The following DAP variants were observed in gnomAD, a reference collection of about 807,000 sequenced individuals.
DAP encodes the protein death-associated protein 1.
Under a neutral mutation model 13.8 loss-of-function variants are expected in DAP, and 8 were observed. The ratio of observed to expected loss-of-function variants is 0.58; its 90% confidence interval spans 0.34 to 1.05. The LOEUF is 1.05. Ranked by LOEUF, DAP falls within the 50% of genes least tolerant of loss-of-function variation. The pLI, the probability that DAP is intolerant of heterozygous loss-of-function variation, is 0.03. For synonymous variants in DAP, 47 were observed against 47.5 expected (o/e 0.99, Z 0.04); for missense variants, 106 against 133.2 (o/e 0.80, Z 1.01).
intron 2 of DAP, among the ~76,000 whole-genome samples, chr5:10,702,153 TTTG>T (rs1489044065): frequency 1.1e-4 from 17 of 152,178 alleles, no homozygotes; most frequent in Admixed American, 1.3e-4. Context: ...CATGGTGGAA[TTTG>T]TTGTGTGCCC....
chr5:10,757,510 G>A (rs1434135861), intron 1 of DAP, among the ~76,000 whole-genome samples: 1 of 152,152 alleles, frequency 6.6e-6, no homozygotes, highest in Admixed American at 6.5e-5. Context: ...CTGAGCTCAG[G>A]TGCTCTCCCC....
intron 2 of DAP, among the ~76,000 whole-genome samples, chr5:10,702,895 C>T (rs1561013109): frequency 6.6e-6 from 1 of 152,134 alleles, no homozygotes; most frequent in African/African-American, 2.4e-5. Context: ...CCAAAAAAAC[C>T]CTTGCAAAAG....
chr5:10,749,410 T>C (rs575351635), intron 1 of DAP, among the ~76,000 whole-genome samples: 2 of 152,302 alleles, frequency 1.3e-5, no homozygotes, highest in East Asian at 3.9e-4. Context: ...CTCCACACTA[T>C]TTCACATTCC....
chr5:10,748,230 T>G lies in DAP; in HGVS notation c.97A>C (p.Thr33Pro). The G allele has an allele frequency of 1.9e-6, 3 of 1,614,084 alleles. No individual in the cohort carries two copies. The highest frequency in any genetic ancestry group is 2.5e-6 in the Non-Finnish European group (3 of 1,179,962). Residue 33 changes from threonine to proline, a missense_variant, in exon 2 of 4, where the codon ACA becomes CCA. Coordinates refer to ENST00000230895, the MANE Select transcript of DAP (RefSeq NM_004394.3). ...TCTTTCTCTTCTTTGGTGTCTCCTGTATGTGGGTGTTTCTGCACAATTCGC... is the reference window on the plus strand; with the variant it reads ...TCTTTCTCTTCTTTGGTGTCTCCTGGATGTGGGTGTTTCTGCACAATTCGC... ...GMRIVQKHPH[T>P]GDTKEEKDKD...
intron 2 of DAP, among the ~76,000 whole-genome samples, chr5:10,717,309 T>A (rs1039164111): frequency 6.6e-6 from 1 of 152,208 alleles, no homozygotes; most frequent in Non-Finnish European, 1.5e-5. Context: ...CAAGCCCTTA[T>A]GATGTGAGTG....
At chr5:10,682,913 G>A (rs1738060069) in intron 3 of DAP, among the ~76,000 whole-genome samples, 1 of 152,220 alleles carries the variant, frequency 6.6e-6, no homozygotes, top group East Asian at 1.9e-4. Flanking sequence ...CCACAGCTGT[G>A]AGCCAGGCCT....
chr5:10,753,911 T>C (rs1441339519), intron 1 of DAP, among the ~76,000 whole-genome samples: 1 of 152,166 alleles, frequency 6.6e-6, no homozygotes, highest in African/African-American at 2.4e-5. Context: ...ACTGTTCCAG[T>C]GGAAGGAACA....
chr5:10,698,325 G>A (rs962226942), intron 2 of DAP, among the ~76,000 whole-genome samples: 19 of 135,160 alleles, frequency 1.4e-4, no homozygotes, highest in Admixed American at 7.4e-4. Flanking sequence ...AGGTCAAGTA[G>A]ACAGAAAACT....
At chr5:10,742,227 C>G (rs1215389139) in intron 2 of DAP, among the ~76,000 whole-genome samples, 1 of 152,068 alleles carries the variant, frequency 6.6e-6, no homozygotes, top group African/African-American at 2.4e-5. Context: ...TTTATTTTAC[C>G]GTATGGGTTA....
chr5:10,757,508 A>G (rs1392377868), intron 1 of DAP, among the ~76,000 whole-genome samples: 1 of 152,172 alleles, frequency 6.6e-6, no homozygotes, highest in African/African-American at 2.4e-5. Context: ...TCCTGAGCTC[A>G]GGTGCTCTCC....
At chr5:10,710,910 T>C (rs905039089) in intron 2 of DAP, among the ~76,000 whole-genome samples, 1 of 152,040 alleles carries the variant, frequency 6.6e-6, no homozygotes, top group Non-Finnish European at 1.5e-5. Context: ...GGGGAAGTGG[T>C]GAGGGCTGAG....
intron 2 of DAP, among the ~76,000 whole-genome samples, chr5:10,730,710 G>A (rs1739433494): frequency 8.3e-6 from 1 of 120,102 alleles, no homozygotes; most frequent in Non-Finnish European, 1.7e-5. Context: ...GAGCCCTAGT[G>A]AGGGGGAATC....
Position 10,680,799 on chromosome 5 carries a change from G to T in DAP, c.*257C>A, listed in dbSNP as rs1269631785. ...AAAGCTAAAATTTTTCTCGGATCTT[G>T]GCAAATTCTGCTAATGGCACCTCTA... On this transcript the variant is annotated 3_prime_UTR_variant, in exon 4 of 4. Coordinates refer to ENST00000230895, the MANE Select transcript of DAP (RefSeq NM_004394.3). 1 of 1,536,754 alleles carries T rather than the reference G, an allele frequency of 6.5e-7. No individual in the cohort carries two copies. Among genetic ancestry groups the T allele is most frequent in the Non-Finnish European group, 8.7e-7 (1 of 1,147,030 alleles).
chr5:10,751,153 C>A (rs1740036518), intron 1 of DAP, among the ~76,000 whole-genome samples: 1 of 152,180 alleles, frequency 6.6e-6, no homozygotes, highest in African/African-American at 2.4e-5. Context: ...CTACTCCCTG[C>A]CTCCTGTGGG....
chr5:10,699,489 G>T (rs749283391), intron 2 of DAP, among the ~76,000 whole-genome samples: 3 of 152,232 alleles, frequency 2.0e-5, no homozygotes, highest in Non-Finnish European at 4.4e-5. Context: ...ACACCTGTGA[G>T]GTTTACCAGA....
intron 2 of DAP, among the ~76,000 whole-genome samples, chr5:10,708,009 G>A (rs775751221): frequency 6.6e-5 from 10 of 152,260 alleles, no homozygotes; most frequent in Non-Finnish European, 1.3e-4. Context: ...TAAGTACAAA[G>A]GAATTTCACG....
chr5:10,724,240 T>C (rs775089302), intron 2 of DAP, among the ~76,000 whole-genome samples: 77 of 152,346 alleles, frequency 5.1e-4, no homozygotes, highest in South Asian at 1.0e-3. Flanking sequence ...GATTAATCCA[T>C]CTCTGGAAGG....
In DAP at chr5:10,699,817, G is replaced by C. The variant is rs148738852; in HGVS notation, c.153-16246C>G. On this transcript the variant is annotated intron_variant, in intron 2 of 3. Transcript: ENST00000230895. ...AGGCCCACGGCTCTCACTCCTTCCT[G>C]CTTCTCCCAAAGGTTCCCTGGGGTG... is the stretch of plus-strand genomic sequence containing the variant. Among the ~76,000 whole-genome samples, 17 of 152,328 alleles carry C rather than the reference G, an allele frequency of 1.1e-4. No homozygotes were observed. The East Asian group carries it at 3.3e-3, about 29-fold the overall frequency.
chr5:10,699,295 T>C (rs1479117145), intron 2 of DAP, among the ~76,000 whole-genome samples: 2 of 152,254 alleles, frequency 1.3e-5, no homozygotes, highest in Non-Finnish European at 2.9e-5. Flanking sequence ...TCTCCTACTT[T>C]TTCCTGCCTG....
Sources: allele counts gnomAD v4.1 joint callset (sites outside exome capture counted in the v4.1 genomes callset), GRCh38; gene constraint gnomAD v4.1.1; transcripts MANE v1.5; gene names NCBI Gene and HGNC (gene_info 2026-07-23, HGNC 2026-07-21).